Variants in MECOM observed in about 807,000 individuals in gnomAD.
MECOM encodes histone-lysine N-methyltransferase MECOM.
In MECOM, 13 loss-of-function variants were observed where a neutral mutation model predicts 116.3. The ratio of observed to expected loss-of-function variants is 0.11; its 90% CI spans 0.07 to 0.18. MECOM has a LOEUF of 0.18. Among genes scored for constraint, MECOM ranks in the 10% least tolerant of loss-of-function variants. MECOM has a pLI of 1.00. For missense variants in MECOM, 1,299 were observed against 1,509.0 expected (o/e 0.86, Z 2.31); for synonymous variants, 528 against 535.2 (o/e 0.99, Z 0.19).
chr3:169,316,744 A>G (rs1719812426), intron 2 of MECOM, among the ~76,000 whole-genome samples: 2 of 152,096 alleles, frequency 1.3e-5, no homozygotes, highest in South Asian at 4.1e-4. Context: ...GTGGAGACAG[A>G]GCTTTGCCAT....
intron 2 of MECOM, among the ~76,000 whole-genome samples, chr3:169,302,455 G>A (rs1217049780): frequency 6.6e-6 from 1 of 152,150 alleles, no homozygotes; most frequent in Non-Finnish European, 1.5e-5. Context: ...AAGAAATCTG[G>A]TGAATTCAAA....
chr3:169,342,080 T>G (rs779222764), intron 2 of MECOM, among the ~76,000 whole-genome samples: 1 of 152,096 alleles, frequency 6.6e-6, no homozygotes, highest in Non-Finnish European at 1.5e-5. Context: ...ATAAGTATGT[T>G]CTGTATATAC....
chr3:169,526,693 C>G (rs1188930068), intron 1 of MECOM, among the ~76,000 whole-genome samples: 2 of 151,912 alleles, frequency 1.3e-5, no homozygotes, highest in East Asian at 1.9e-4. Flanking sequence ...TTCTGAGAAG[C>G]CACAAATCAA....
intron 1 of MECOM, among the ~76,000 whole-genome samples, chr3:169,485,915 G>GTA (rs1467831461): frequency 1.3e-4 from 6 of 45,634 alleles, no homozygotes; most frequent in Admixed American, 2.4e-4. Flanking sequence ...ATATATGTAT[G>GTA]TATATATAGT....
At chr3:169,325,847 G>A (rs980735620) in intron 2 of MECOM, among the ~76,000 whole-genome samples, 5 of 152,214 alleles carry the variant, frequency 3.3e-5, no homozygotes, top group Non-Finnish European at 7.3e-5. Context: ...ATGAAGTTGC[G>A]TTGATTTCTA....
intron 2 of MECOM, among the ~76,000 whole-genome samples, chr3:169,263,944 A>AG (rs1362755841): frequency 6.6e-6 from 1 of 152,122 alleles, no homozygotes; most frequent in Non-Finnish European, 1.5e-5. Context: ...GAAAAAAAAA[A>AG]CCCACTATGG....
intron 1 of MECOM, among the ~76,000 whole-genome samples, chr3:169,602,920 T>G (rs1489704348): frequency 6.6e-6 from 1 of 152,194 alleles, no homozygotes; most frequent in African/African-American, 2.4e-5. Context: ...GTTTATTATA[T>G]GTGGTGAATA....
intron 2 of MECOM, among the ~76,000 whole-genome samples, chr3:169,350,125 CCTAT>C (rs924911918): frequency 6.6e-6 from 1 of 151,888 alleles, no homozygotes; most frequent in African/African-American, 2.4e-5. Flanking sequence ...TGAACAATTC[CCTAT>C]TTTGTTTATT....
At chr3:169,612,224 G>A (rs567924114) in intron 1 of MECOM, among the ~76,000 whole-genome samples, 56 of 152,170 alleles carry the variant, frequency 3.7e-4, no homozygotes, top group Non-Finnish European at 6.3e-4. Flanking sequence ...AATCAAAGTT[G>A]CTTGAACATC....
chr3:169,585,022 G>A (rs761773931), intron 1 of MECOM, among the ~76,000 whole-genome samples: 50 of 152,320 alleles, frequency 3.3e-4, no homozygotes, highest in Admixed American at 2.0e-4. Context: ...TATCAAGCAA[G>A]ATGAAATGGG....
At chr3:169,378,505 G>GC (rs1731696867) in intron 2 of MECOM, among the ~76,000 whole-genome samples, 1 of 23,408 alleles carries the variant, frequency 4.3e-5, no homozygotes, top group African/African-American at 2.7e-4. Context: ...AAGAAAGAAA[G>GC]AAAGAAAGAA....
chr3:169,268,885 A>G (rs747714369), intron 2 of MECOM, among the ~76,000 whole-genome samples: 8 of 152,134 alleles, frequency 5.3e-5, no homozygotes, highest in Non-Finnish European at 7.4e-5. Flanking sequence ...TAAGAGTTTC[A>G]GGTGGGGAGA....
chr3:169,136,673 T>G (rs953595934), intron 3 of MECOM, among the ~76,000 whole-genome samples: 3 of 152,104 alleles, frequency 2.0e-5, no homozygotes, highest in Non-Finnish European at 4.4e-5. Context: ...GTCTTGTTCA[T>G]TATACTAGAG....
chr3:169,514,102 T>C (rs1285286267), intron 1 of MECOM, among the ~76,000 whole-genome samples: 1 of 152,222 alleles, frequency 6.6e-6, no homozygotes, highest in African/African-American at 2.4e-5. Context: ...GGAGTTGAGA[T>C]GGTCATAAGA....
chr3:169,098,429 G>A (rs918586064), intron 12 of MECOM, among the ~76,000 whole-genome samples: 1 of 152,116 alleles, frequency 6.6e-6, no homozygotes, highest in African/African-American at 2.4e-5. Flanking sequence ...CTCATTATTA[G>A]AGTGAGGTTA....
intron 2 of MECOM, among the ~76,000 whole-genome samples, chr3:169,244,823 T>C (rs530172833): frequency 1.4e-4 from 21 of 152,260 alleles, no homozygotes; most frequent in African/African-American, 4.6e-4. Context: ...GATCAACAAG[T>C]AAAATCTAGT....
intron 1 of MECOM, among the ~76,000 whole-genome samples, chr3:169,556,022 T>C (rs529394830): frequency 1.3e-5 from 2 of 152,366 alleles, no homozygotes; most frequent in Admixed American, 6.5e-5. Flanking sequence ...ACAGCAAGCA[T>C]CTTTTGTAGT....
intron 2 of MECOM, among the ~76,000 whole-genome samples, chr3:169,301,826 G>T (rs758464525): frequency 2.0e-5 from 3 of 152,006 alleles, no homozygotes; most frequent in Non-Finnish European, 2.9e-5. Context: ...AGCCTATTCT[G>T]TAAAATTTAT....
chr3:169,341,036 AT>A (rs1309162527), intron 2 of MECOM, among the ~76,000 whole-genome samples: 5 of 152,176 alleles, frequency 3.3e-5, no homozygotes, highest in Non-Finnish European at 7.3e-5. Flanking sequence ...GTTATCAAAA[AT>A]GTTTATGAAC....
Sources: gnomAD v4.1 joint callset for allele counts (sites outside exome capture counted in the v4.1 genomes callset) on GRCh38, gnomAD v4.1.1 for gene constraint, MANE v1.5 for transcripts, NCBI Gene and HGNC (gene_info 2026-07-23, HGNC 2026-07-21) for gene names.